FBXW10B: variants seen among roughly 807,000 people sequenced by gnomAD.
The protein encoded by FBXW10B is F-box and WD repeat domain containing protein 10B.
At chr17:15,611,257 C>T in the FBXW10B span, among the ~76,000 whole-genome samples, 3 of 152,038 alleles carry the variant, frequency 2.0e-5, no homozygotes, top group African/African-American at 4.8e-5. Flanking sequence ...CTCCTGACCT[C>T]GTGATCCGCC....
At chr17:15,592,506 T>C in the FBXW10B span, among the ~76,000 whole-genome samples, 1 of 152,042 alleles carries the variant, frequency 6.6e-6, no homozygotes, top group Non-Finnish European at 1.5e-5. Context: ...TTTCATATAA[T>C]AGCACCCTGA....
chr17:15,590,314 T>C, the FBXW10B span, among the ~76,000 whole-genome samples: 1 of 150,778 alleles, frequency 6.6e-6, no homozygotes, highest in African/African-American at 2.5e-5. Context: ...CTTCATACAG[T>C]GGAGGGACTG....
At chr17:15,586,821 G>A in the FBXW10B span, among the ~76,000 whole-genome samples, 1 of 151,692 alleles carries the variant, frequency 6.6e-6, no homozygotes, top group African/African-American at 2.4e-5. Context: ...AGTAGAGATA[G>A]AAGGGATAGA....
chr17:15,610,287 ACT>A, the FBXW10B span, among the ~76,000 whole-genome samples: 2 of 152,048 alleles, frequency 1.3e-5, no homozygotes, highest in African/African-American at 2.4e-5. Flanking sequence ...CAGAAGCCGC[ACT>A]CTCTTACAGA....
chr17:15,615,624 T>G, the FBXW10B span: 1 of 1,613,696 alleles, frequency 6.2e-7, no homozygotes, highest in Non-Finnish European at 8.5e-7. Flanking sequence ...ATATTGGCTT[T>G]CTTGCTGAAA....
the FBXW10B span, among the ~76,000 whole-genome samples, chr17:15,567,396 A>G: frequency 6.6e-6 from 1 of 151,976 alleles, no homozygotes; most frequent in Non-Finnish European, 1.5e-5. Context: ...ATTGTTTATT[A>G]ATTTGTCTTT....
chr17:15,589,072 A>C, the FBXW10B span: 3 of 1,599,286 alleles, frequency 1.9e-6, no homozygotes. Context: ...GGCCACGGGC[A>C]GCCTCGATGC....
chr17:15,588,057 T>C, the FBXW10B span, among the ~76,000 whole-genome samples: 1 of 152,218 alleles, frequency 6.6e-6, no homozygotes, highest in African/African-American at 2.4e-5. Flanking sequence ...CCATACAAAG[T>C]CTACTTTTAG....
chr17:15,606,237 C>T, the FBXW10B span, among the ~76,000 whole-genome samples: 1 of 140,558 alleles, frequency 7.1e-6, no homozygotes, highest in Non-Finnish European at 1.5e-5. Flanking sequence ...CCTGGGGACA[C>T]TATTATTAAT....
chr17:15,580,613 C>T, the FBXW10B span, among the ~76,000 whole-genome samples: 5 of 122,630 alleles, frequency 4.1e-5, no homozygotes, highest in East Asian at 8.4e-4. Context: ...GTTTATCAGC[C>T]CCTCCCTCCA....
At chr17:15,607,512 C>A in the FBXW10B span, 7 of 1,492,570 alleles carry the variant, frequency 4.7e-6, no homozygotes, top group Non-Finnish European at 6.5e-6. Flanking sequence ...AGGGAAATCC[C>A]AAATGTCAGT....
At chr17:15,583,527 T>C in the FBXW10B span, among the ~76,000 whole-genome samples, 221 of 144,678 alleles carry the variant, frequency 1.5e-3, 7 homozygotes, top group East Asian at 0.01. Context: ...ACAGTTGTTT[T>C]GGTTTCAGGG....
the FBXW10B span, among the ~76,000 whole-genome samples, chr17:15,603,492 T>C: frequency 6.6e-6 from 1 of 152,058 alleles, no homozygotes; most frequent in Non-Finnish European, 1.5e-5. Flanking sequence ...ATCAGGAAAG[T>C]TAAAATTTAA....
the FBXW10B span, chr17:15,619,305 A>G: frequency 6.2e-7 from 1 of 1,613,914 alleles, no homozygotes; most frequent in South Asian, 1.1e-5. Flanking sequence ...AAATAGTGTA[A>G]CAAATATAAG....
At chr17:15,601,219 C>T in the FBXW10B span, among the ~76,000 whole-genome samples, 21 of 148,308 alleles carry the variant, frequency 1.4e-4, no homozygotes, top group African/African-American at 4.6e-4. Context: ...ACCATCCTGG[C>T]TAACACGGTG....
chr17:15,577,345 T>A, the FBXW10B span, among the ~76,000 whole-genome samples: 1 of 152,134 alleles, frequency 6.6e-6, no homozygotes, highest in Non-Finnish European at 1.5e-5. Flanking sequence ...GTCATTACAA[T>A]GGTTGAACAA....
the FBXW10B span, among the ~76,000 whole-genome samples, chr17:15,581,999 G>T: frequency 4.0e-5 from 6 of 150,748 alleles, no homozygotes; most frequent in African/African-American, 1.5e-4. Flanking sequence ...ATGATAAAAA[G>T]GAGAAAAAGG....
chr17:15,603,304 T>C, the FBXW10B span, among the ~76,000 whole-genome samples: 1 of 151,946 alleles, frequency 6.6e-6, no homozygotes, highest in East Asian at 2.0e-4. Context: ...CACCGTTGGC[T>C]CTCCTGGGTC....
chr17:15,572,809 G>A, the FBXW10B span: 1 of 150,590 alleles, frequency 6.6e-6, no homozygotes, highest in Admixed American at 6.6e-5. Flanking sequence ...AATGAACAAG[G>A]GGCAGGGTGG....
Sources: allele counts gnomAD v4.1 joint callset (sites outside exome capture counted in the v4.1 genomes callset), GRCh38; gene constraint gnomAD v4.1.1; transcripts MANE v1.5; gene names NCBI Gene and HGNC (gene_info 2026-07-23, HGNC 2026-07-21).